HSPBAP1: variants seen among roughly 807,000 people sequenced by gnomAD.
HSPBAP1 encodes HSPB1 associated protein 1.
In HSPBAP1, 27 loss-of-function variants were observed where a neutral mutation model predicts 45.2. The observed-to-expected ratio is 0.60, with a 90% confidence interval of 0.44 to 0.82. HSPBAP1 has a LOEUF of 0.82. Among genes scored for constraint, HSPBAP1 ranks in the 40% least tolerant of loss-of-function variants. The pLI is 0.00. For missense variants in HSPBAP1, 510 were observed against 590.9 expected (o/e 0.86, Z 1.42); for synonymous variants, 204 against 202.7 (o/e 1.01, Z -0.06).
At chr3:122,788,775 G>A (rs979180501) in intron 1 of HSPBAP1, among the ~76,000 whole-genome samples, 1 of 152,160 alleles carries the variant, frequency 6.6e-6, no homozygotes, top group Non-Finnish European at 1.5e-5. Context: ...TAAAATGGCA[G>A]TTACCAGGGA....
intron 3 of HSPBAP1, among the ~76,000 whole-genome samples, chr3:122,760,083 C>G (rs2107513986): frequency 6.6e-6 from 1 of 152,280 alleles, no homozygotes; most frequent in Non-Finnish European, 1.5e-5. Flanking sequence ...ATCTTTAGAA[C>G]AGAGACAGCA....
intron 3 of HSPBAP1, among the ~76,000 whole-genome samples, chr3:122,763,003 G>A (rs1455951805): frequency 3.3e-5 from 5 of 152,088 alleles, no homozygotes; most frequent in Admixed American, 3.3e-4. Context: ...CTCATTTTAG[G>A]TTGGTCAGTT....
chr3:122,780,881 C>T (rs1267996363), intron 1 of HSPBAP1, among the ~76,000 whole-genome samples: 1 of 70,312 alleles, frequency 1.4e-5, no homozygotes, highest in African/African-American at 4.7e-5. Flanking sequence ...CAGACGGGGT[C>T]GCGGCCGGGC....
chr3:122,770,740 C>T (rs1391527439), intron 2 of HSPBAP1, among the ~76,000 whole-genome samples: 3 of 152,034 alleles, frequency 2.0e-5, no homozygotes, highest in African/African-American at 4.8e-5. Context: ...AAATTATCAA[C>T]TTCATCAAAA....
At position 122,750,515 on chromosome 3, in the gene HSPBAP1, A is replaced by ATCTCTATC. The variant is rs1553752345; in HGVS notation, c.825+2075_825+2076insGATAGAGA. Among the ~76,000 whole-genome samples, 4 of 149,038 alleles carry ATCTCTATC rather than the reference A, an allele frequency of 2.7e-5. No homozygotes were observed. In the East Asian group the frequency reaches 7.9e-4, roughly 29 times the overall value. On this transcript the variant is annotated intron_variant, in intron 6 of 7. Coordinates refer to ENST00000306103, the MANE Select transcript of HSPBAP1 (RefSeq NM_024610.6). The stretch of plus-strand genomic sequence containing the variant: ...ATGAATTAGAAATATAAATACATCA[A>ATCTCTATC]TATCTATCTATCTATCTATCTATCT...
intron 1 of HSPBAP1, among the ~76,000 whole-genome samples, chr3:122,779,263 G>A (rs1210887007): frequency 1.3e-5 from 2 of 151,260 alleles, no homozygotes; most frequent in Non-Finnish European, 2.9e-5. Context: ...GGCTGGTCTT[G>A]AACTCCTGAC....
At chr3:122,778,923 G>A (rs1447280697) in intron 1 of HSPBAP1, among the ~76,000 whole-genome samples, 1 of 152,114 alleles carries the variant, frequency 6.6e-6, no homozygotes, top group Non-Finnish European at 1.5e-5. Flanking sequence ...CATCCCTTCT[G>A]TGAAAGCCAA....
intron 4 of HSPBAP1, among the ~76,000 whole-genome samples, chr3:122,756,426 C>T (rs1036574161): frequency 2.0e-5 from 3 of 152,172 alleles, no homozygotes; most frequent in Non-Finnish European, 2.9e-5. Context: ...TGGCTCACTG[C>T]CTGTAACCTC....
At chr3:122,769,135 A>T (rs993369985) in intron 2 of HSPBAP1, among the ~76,000 whole-genome samples, 2 of 152,188 alleles carry the variant, frequency 1.3e-5, no homozygotes, top group Non-Finnish European at 2.9e-5. Context: ...CCAAAAAAAA[A>T]TTAATTAAAA....
At chr3:122,761,902 G>C (rs1048997702) in intron 3 of HSPBAP1, 5 of 151,970 alleles carry the variant, frequency 3.3e-5, no homozygotes, top group African/African-American at 4.8e-5. Flanking sequence ...TCAAATGTCT[G>C]AAGTCAATGT....
chr3:122,778,135 T>C (rs934925676), intron 1 of HSPBAP1, among the ~76,000 whole-genome samples: 2 of 152,022 alleles, frequency 1.3e-5, no homozygotes, highest in African/African-American at 4.8e-5. Flanking sequence ...CATGGGTATA[T>C]TGTAGAATGC....
chr3:122,751,450 T>C (rs1934131284), intron 6 of HSPBAP1, among the ~76,000 whole-genome samples: 1 of 151,818 alleles, frequency 6.6e-6, no homozygotes, highest in Admixed American at 6.6e-5. Flanking sequence ...GCCAGAATGG[T>C]AAAAAGTCTG....
chr3:122,780,679 G>A (rs1355588107), intron 1 of HSPBAP1, among the ~76,000 whole-genome samples: 5 of 151,280 alleles, frequency 3.3e-5, no homozygotes, highest in Admixed American at 1.3e-4. Flanking sequence ...CCTCCCGGAC[G>A]GGGTGGCTGC....
intron 6 of HSPBAP1, among the ~76,000 whole-genome samples, chr3:122,747,640 A>G (rs1933943828): frequency 7.1e-6 from 1 of 141,532 alleles, no homozygotes; most frequent in Non-Finnish European, 1.5e-5. Context: ...TGGGGGGGTC[A>G]GCCCCCCGCC....
chr3:122,762,499 A>C (rs1359458625), intron 3 of HSPBAP1, among the ~76,000 whole-genome samples: 1 of 152,098 alleles, frequency 6.6e-6, no homozygotes, highest in Non-Finnish European at 1.5e-5. Context: ...ACTAAATTAT[A>C]CCAAGGCTAA....
chr3:122,741,378 A>G (rs1305156950), intron 6 of HSPBAP1: 9 of 378,850 alleles, frequency 2.4e-5, no homozygotes, highest in African/African-American at 1.8e-4. Context: ...ACCTTATGAT[A>G]TTTTCTCCAA....
Position 122,740,627 on chromosome 3 carries a change from T to G in HSPBAP1, c.1185A>C (p.Val395=). ...ASPFGPDLVP[V]AQRSEEPPSE... is the part of the protein sequence containing the mutation. ...AAGGCGGTTCTTCGGACCTCTGTGC[T>G]ACAGGGACCAGATCAGGGCCAAAGG... The change falls in exon 8 of 8, where the codon GTA becomes GTC. Residue 395 remains valine, a synonymous_variant. Transcript: ENST00000306103. 6.2e-7 allele frequency: 1 copy of G among 1,614,186 alleles called. No homozygotes were observed. The highest frequency in any genetic ancestry group is 1.7e-5 in the Admixed American group (1 of 60,026).
chr3:122,752,259 G>A (rs1373322781), intron 6 of HSPBAP1, among the ~76,000 whole-genome samples: 1 of 152,126 alleles, frequency 6.6e-6, no homozygotes, highest in East Asian at 1.9e-4. Context: ...AAAGAGGAGC[G>A]GCAACAAGGG....
At position 122,777,848 on chromosome 3, in the gene HSPBAP1, T is replaced by C; in HGVS notation, c.123A>G (p.Gln41=). The change falls in exon 2 of 8, where the codon CAA becomes CAG. Residue 41 remains glutamine (Q), a synonymous_variant. Coordinates refer to ENST00000306103, the MANE Select transcript of HSPBAP1 (RefSeq NM_024610.6). ...EKAKEIIMSL[Q]QPAIFCNMVF... ...CCATGTTACAGAAGATTGCAGGTTG[T>C]TGTAAAGACATGATAATTTCTTTTG... The C allele has an allele frequency of 1.2e-6, 2 of 1,613,970 alleles. No individual in the cohort carries two copies. Among genetic ancestry groups the C allele is most frequent in the Non-Finnish European group, 1.7e-6 (2 of 1,179,846 alleles).
Sources: allele counts gnomAD v4.1 joint callset (sites outside exome capture counted in the v4.1 genomes callset), GRCh38; gene constraint gnomAD v4.1.1; transcripts MANE v1.5; gene names NCBI Gene and HGNC (gene_info 2026-07-23, HGNC 2026-07-21).